PDLIM3: variants seen among roughly 807,000 people sequenced by gnomAD.
PDLIM3 encodes PDZ and LIM domain protein 3.
A neutral mutation model predicts 37.3 loss-of-function variants in PDLIM3; 36 were observed. That is an observed-to-expected ratio of 0.97 (90% CI 0.74 to 1.28). The LOEUF (loss-of-function observed/expected upper bound fraction) is 1.28. Among genes scored for constraint, PDLIM3 ranks in the 50% most tolerant of loss-of-function variants. The pLI is 0.00. For missense variants in PDLIM3, 454 were observed against 485.0 expected (o/e 0.94, Z 0.60); for synonymous variants, 174 against 182.4 (o/e 0.95, Z 0.37).
Position 185,504,465 on chromosome 4 carries a change from T to C in PDLIM3, c.905+10A>G, listed in dbSNP as rs1250327271. 6.3e-7 allele frequency: 1 copy of C among 1,599,966 alleles called. No homozygotes were observed. Among genetic ancestry groups the C allele is most frequent in the African/African-American group, 1.3e-5 (1 of 74,626 alleles). ...GTATCGTAAATTCCAGGGTTAAAAG[T>C]GAAACTTACACTATGCCACTCCCAC... On this transcript the variant is annotated intron_variant, in intron 7 of 7. Coordinates refer to ENST00000284767, the MANE Select transcript of PDLIM3 (RefSeq NM_014476.6). This position sits in a 1 kb window ranked among gnomAD's most constrained non-coding sequence, Gnocchi z 4.7.
intron 4 of PDLIM3, chr4:185,512,283 A>T (rs939368336): frequency 6.6e-6 from 1 of 152,058 alleles, no homozygotes; most frequent in Non-Finnish European, 1.5e-5. Context: ...GGGTTACACC[A>T]TGTTGGCCAG....
chr4:185,527,449 T>G (rs1383864551), intron 1 of PDLIM3, among the ~76,000 whole-genome samples: 1 of 152,250 alleles, frequency 6.6e-6, no homozygotes, highest in East Asian at 1.9e-4. Context: ...CTAAAATGTT[T>G]ATTGTACTCA....
chr4:185,535,196 G>A (rs911384444), intron 1 of PDLIM3, 146 bp downstream of exon 1: 4 of 629,458 alleles, frequency 6.4e-6, no homozygotes, highest in Non-Finnish European at 8.0e-6. Context: ...CCGGAGCTGG[G>A]CGCCGAAGCC....
intron 3 of PDLIM3, chr4:185,515,065 A>G (rs147972128): frequency 4.0e-6 from 2 of 504,930 alleles, no homozygotes; most frequent in East Asian, 6.2e-5. Context: ...TGAGCTTTAC[A>G]TGTGCTATAT....
intron 4 of PDLIM3, chr4:185,512,862 G>T: frequency 2.0e-6 from 2 of 985,384 alleles, no homozygotes; most frequent in Non-Finnish European, 2.4e-6. Flanking sequence ...GCTGTTGAAA[G>T]TGGAGAAACG....
chr4:185,507,662 C>A (rs2095699893), intron 5 of PDLIM3, among the ~76,000 whole-genome samples: 1 of 151,972 alleles, frequency 6.6e-6, no homozygotes, highest in South Asian at 2.1e-4. Flanking sequence ...TAATCAAAAT[C>A]TTTATGGCAA....
At chr4:185,528,644 C>T (rs1013806764) in intron 1 of PDLIM3, among the ~76,000 whole-genome samples, 1 of 152,220 alleles carries the variant, frequency 6.6e-6, no homozygotes, top group African/African-American at 2.4e-5. Flanking sequence ...CCAGCTCCTT[C>T]AGAAGTCAGC....
At chr4:185,530,012 T>A (rs977023835) in intron 1 of PDLIM3, among the ~76,000 whole-genome samples, 9 of 152,234 alleles carry the variant, frequency 5.9e-5, no homozygotes, top group African/African-American at 1.7e-4. Flanking sequence ...GCAGTTCATA[T>A]ACATGTTCCT....
intron 1 of PDLIM3, among the ~76,000 whole-genome samples, chr4:185,535,108 A>T (rs992534121): frequency 6.6e-6 from 1 of 152,218 alleles, no homozygotes; most frequent in Non-Finnish European, 1.5e-5. Flanking sequence ...GCGGACCCAG[A>T]GGATGGGACA....
At chr4:185,533,504 G>T (rs895665642) in intron 1 of PDLIM3, among the ~76,000 whole-genome samples, 6 of 151,954 alleles carry the variant, frequency 3.9e-5, no homozygotes, top group African/African-American at 1.5e-4. Flanking sequence ...AAATGATTTG[G>T]TTTTACCTGC....
chr4:185,530,207 T>A (rs553256139), intron 1 of PDLIM3, among the ~76,000 whole-genome samples: 10 of 152,176 alleles, frequency 6.6e-5, no homozygotes, highest in Non-Finnish European at 1.0e-4. Context: ...ATTGAACAGG[T>A]TTTTATTTAC....
At chr4:185,520,056 T>C (rs952030625) in intron 3 of PDLIM3, among the ~76,000 whole-genome samples, 2 of 152,264 alleles carry the variant, frequency 1.3e-5, no homozygotes, top group Admixed American at 1.3e-4. Flanking sequence ...CCTATAACCA[T>C]AGCTTAGCTT....
intron 3 of PDLIM3, among the ~76,000 whole-genome samples, chr4:185,519,801 T>A (rs550478444): frequency 6.6e-6 from 1 of 152,298 alleles, no homozygotes; most frequent in East Asian, 1.9e-4. Flanking sequence ...AAAGGTCACA[T>A]AACTTACAAT....
intron 4 of PDLIM3, among the ~76,000 whole-genome samples, chr4:185,510,447 C>T (rs1157275384): frequency 6.6e-6 from 1 of 152,080 alleles, no homozygotes; most frequent in African/African-American, 2.4e-5. Flanking sequence ...CTTTTGACTC[C>T]TCCAAAACTT....
chr4:185,502,080 A>G lies in PDLIM3; in HGVS notation c.*214T>C. 1.7e-6 allele frequency: 1 copy of G among 599,232 alleles called. No individual in the cohort carries two copies. The highest frequency in any genetic ancestry group is 3.0e-6 in the Non-Finnish European group (1 of 335,868). 37.1% of individuals were successfully genotyped at this position (599,232 alleles called of 1,614,324 possible). A position where few individuals can be genotyped will look rare whatever the true frequency, so the allele number is the denominator to read the frequency against. ...TATCATTATTGCTAGCCCCAAAAAG[A>G]GTTGCAAAACATAGCTAAGTGTATG... On this transcript the variant is annotated 3_prime_UTR_variant, in exon 8 of 8. Coordinates refer to ENST00000284767, the MANE Select transcript of PDLIM3 (RefSeq NM_014476.6).
intron 4 of PDLIM3, among the ~76,000 whole-genome samples, chr4:185,509,384 T>G (rs1283151080): frequency 6.6e-6 from 1 of 152,224 alleles, no homozygotes; most frequent in East Asian, 1.9e-4. Context: ...ATGCACAATT[T>G]CAGAAGCACG....
intron 1 of PDLIM3, among the ~76,000 whole-genome samples, chr4:185,534,217 A>G (rs2095749503): frequency 1.3e-5 from 2 of 152,250 alleles, no homozygotes; most frequent in African/African-American, 4.8e-5. Context: ...GTTGGTTCCC[A>G]AATCTCATAG....
chr4:185,526,060 C>A (rs1182670758), intron 1 of PDLIM3, among the ~76,000 whole-genome samples: 1 of 152,190 alleles, frequency 6.6e-6, no homozygotes, highest in Admixed American at 6.5e-5. Context: ...AACTTGAAAT[C>A]TAAGGAAAGA....
chr4:185,500,685 T>C lies in PDLIM3; in HGVS notation c.*1609A>G, dbSNP rs552418262. Reference sequence around the variant, plus strand: ...TTTCTTTGATCTCAAAAGTCTGTTTTATTTTTTTAATAGCTTTGTTAGTGA... The same window carrying C: ...TTTCTTTGATCTCAAAAGTCTGTTTCATTTTTTTAATAGCTTTGTTAGTGA... On this transcript the variant is annotated 3_prime_UTR_variant, in exon 8 of 8. Transcript: ENST00000284767. The C allele has an allele frequency of 5.9e-5, 9 of 152,340 alleles. No individual in the cohort carries two copies. Among genetic ancestry groups the C allele is most frequent in the African/African-American group, 1.7e-4 (7 of 41,578 alleles). The allele number at this position is 152,340 out of a possible 1,614,324, so 9.4% of individuals were successfully genotyped here. A position where few individuals can be genotyped will look rare whatever the true frequency, so the allele number is the denominator to read the frequency against.
Sources: allele counts gnomAD v4.1 joint callset (sites outside exome capture counted in the v4.1 genomes callset), GRCh38; gene constraint gnomAD v4.1.1; non-coding constraint Gnocchi (gnomAD v3.1); transcripts MANE v1.5; gene names NCBI Gene and HGNC (gene_info 2026-07-23, HGNC 2026-07-21).